COL26A1: variants seen among roughly 807,000 people sequenced by gnomAD.
The protein encoded by COL26A1 is collagen type XXVI alpha 1 chain.
COL26A1 carries 41 observed loss-of-function variants against 59.3 expected under a neutral mutation model. The ratio of observed to expected loss-of-function variants is 0.69; its 90% CI spans 0.54 to 0.90. The LOEUF (loss-of-function observed/expected upper bound fraction) is 0.90. COL26A1 is among the 40% of genes least tolerant of loss of function. The pLI, the probability that COL26A1 is intolerant of heterozygous loss-of-function variation, is 0.00. For synonymous variants in COL26A1, 266 were observed against 256.0 expected (o/e 1.04, Z -0.37); for missense variants, 612 against 602.3 (o/e 1.02, Z -0.17).
intron 9 of COL26A1, among the ~76,000 whole-genome samples, chr7:101,550,654 G>A (rs1795840818): frequency 1.3e-5 from 2 of 152,110 alleles, no homozygotes; most frequent in African/African-American, 4.8e-5. Flanking sequence ...GGGGCACCAG[G>A]AGTTCCCTTT....
At chr7:101,444,738 GTCAGTGT>G (rs1373554261) in intron 2 of COL26A1, among the ~76,000 whole-genome samples, 1 of 151,100 alleles carries the variant, frequency 6.6e-6, no homozygotes, top group Non-Finnish European at 1.5e-5. Flanking sequence ...TATCATCTTG[GTCAGTGT>G]TCAGTGTTCA....
At chr7:101,522,439 T>A (rs538659621) in intron 3 of COL26A1, among the ~76,000 whole-genome samples, 76 of 152,342 alleles carry the variant, frequency 5.0e-4, no homozygotes, top group African/African-American at 1.8e-3. Flanking sequence ...CTCTGGGGGC[T>A]GAGAAGTCTA....
chr7:101,478,094 C>T (rs1794088134), intron 3 of COL26A1, among the ~76,000 whole-genome samples: 1 of 152,120 alleles, frequency 6.6e-6, no homozygotes. Flanking sequence ...GCGATTCTCC[C>T]ACCTCAGCCT....
chr7:101,468,585 T>C (rs1793821430), intron 3 of COL26A1, among the ~76,000 whole-genome samples: 1 of 152,208 alleles, frequency 6.6e-6, no homozygotes, highest in South Asian at 2.1e-4. Context: ...ATCGTAAACT[T>C]CCTGCAGAAG....
At chr7:101,556,883 G>T (rs1344220823) in intron 12 of COL26A1, among the ~76,000 whole-genome samples, 2 of 150,232 alleles carry the variant, frequency 1.3e-5, no homozygotes, top group Admixed American at 1.3e-4. Context: ...ATAGATAAAT[G>T]AATGACTGAG....
At chr7:101,416,679 T>G (rs1291366216) in intron 1 of COL26A1, among the ~76,000 whole-genome samples, 1 of 143,870 alleles carries the variant, frequency 7.0e-6, no homozygotes, top group African/African-American at 2.5e-5. Context: ...TTTAGCTGTT[T>G]CCATTCTGTT....
intron 1 of COL26A1, among the ~76,000 whole-genome samples, chr7:101,376,813 G>A (rs1023604318): frequency 1.3e-5 from 2 of 152,136 alleles, no homozygotes; most frequent in African/African-American, 4.8e-5. Context: ...GTGCTCAGAT[G>A]CCTGTGGTGA....
At chr7:101,531,644 C>G (rs931944654) in intron 3 of COL26A1, among the ~76,000 whole-genome samples, 6 of 152,166 alleles carry the variant, frequency 3.9e-5, no homozygotes, top group African/African-American at 1.2e-4. Context: ...GGGTGTTGCC[C>G]CCTCTTGACC....
intron 3 of COL26A1, among the ~76,000 whole-genome samples, chr7:101,498,484 C>T (rs1359000391): frequency 6.6e-6 from 1 of 152,100 alleles, no homozygotes; most frequent in African/African-American, 2.4e-5. Flanking sequence ...ATGAGCACTG[C>T]GCAAGAATTG....
chr7:101,524,422 T>C (rs1048479901), intron 3 of COL26A1, among the ~76,000 whole-genome samples: 74 of 152,218 alleles, frequency 4.9e-4, no homozygotes, highest in Admixed American at 1.1e-3. Context: ...AATGCTCTGT[T>C]GTTTCCAGAG....
chr7:101,489,492 C>T (rs1794337580), intron 3 of COL26A1, among the ~76,000 whole-genome samples: 1 of 152,138 alleles, frequency 6.6e-6, no homozygotes, highest in African/African-American at 2.4e-5. Context: ...ACACAAGAAA[C>T]AATTCATAGC....
intron 3 of COL26A1, among the ~76,000 whole-genome samples, chr7:101,500,087 G>A (rs1383980377): frequency 6.6e-6 from 1 of 152,116 alleles, no homozygotes; most frequent in Non-Finnish European, 1.5e-5. Context: ...TCCAAACTTG[G>A]TTCAGGATTG....
At chr7:101,509,144 C>G (rs997757851) in intron 3 of COL26A1, among the ~76,000 whole-genome samples, 1 of 152,008 alleles carries the variant, frequency 6.6e-6, no homozygotes, top group Non-Finnish European at 1.5e-5. Flanking sequence ...GAGGTGCCAG[C>G]TCTTTAAGAC....
intron 3 of COL26A1, among the ~76,000 whole-genome samples, chr7:101,459,118 A>G (rs1310787839): frequency 6.6e-6 from 1 of 151,648 alleles, no homozygotes; most frequent in Non-Finnish European, 1.5e-5. Context: ...CTGGCTGAAC[A>G]GGGATCTTTT....
intron 2 of COL26A1, among the ~76,000 whole-genome samples, chr7:101,442,142 G>A (rs991128351): frequency 5.3e-5 from 8 of 152,062 alleles, no homozygotes; most frequent in Admixed American, 2.0e-4. Flanking sequence ...CGCCTGCCCC[G>A]GGCCCTGGGT....
intron 8 of COL26A1, among the ~76,000 whole-genome samples, chr7:101,548,061 G>A (rs568062170): frequency 6.6e-6 from 1 of 152,226 alleles, no homozygotes; most frequent in East Asian, 1.9e-4. Context: ...GGGAGGCGCC[G>A]TCAAAACGTG....
rs1563007363 is a variant in COL26A1, at chr7:101,489,664, C to CTGT, written c.385+41877_385+41878insTGT. On this transcript the variant is annotated intron_variant, in intron 3 of 12. Coordinates refer to ENST00000313669, the MANE Select transcript of COL26A1 (RefSeq NM_001278563.3). The stretch of plus-strand genomic sequence containing the variant: ...TTCTTTCTTTCTTTCTTTCTTTCTT[C>CTGT]CTTCCTTCCTTCCTTCCTTTCTTTC... Among the ~76,000 whole-genome samples the CTGT allele has an allele frequency of 2.1e-3, 47 of 22,688 alleles. 6 individuals are homozygous for CTGT. The highest frequency in any genetic ancestry group is 0.014 in the African/African-American group (42 of 3,060). The allele number at this position is 22,688 out of a possible 152,430, so 14.9% of individuals were successfully genotyped here.
chr7:101,507,051 A>G (rs2130574497), intron 3 of COL26A1, among the ~76,000 whole-genome samples: 1 of 151,950 alleles, frequency 6.6e-6, no homozygotes, highest in Admixed American at 6.6e-5. Flanking sequence ...AGTAGCTGGG[A>G]CTACAGGTGT....
At chr7:101,387,768 A>ATTTTTTTTTTTTTTTT (rs1194001209) in intron 1 of COL26A1, among the ~76,000 whole-genome samples, 1 of 36,470 alleles carries the variant, frequency 2.7e-5, no homozygotes, top group Non-Finnish European at 6.3e-5. Context: ...ATATATATAT[A>ATTTTTTTTTTTTTTTT]TATATATATA....
Sources: allele counts gnomAD v4.1 joint callset (sites outside exome capture counted in the v4.1 genomes callset), GRCh38; gene constraint gnomAD v4.1.1; transcripts MANE v1.5; gene names NCBI Gene and HGNC (gene_info 2026-07-23, HGNC 2026-07-21).